The following CATSPERB variants were observed in gnomAD, a reference collection of about 807,000 sequenced individuals.
The protein encoded by CATSPERB is cation channel sperm-associated auxiliary subunit beta.
CATSPERB carries 93 observed loss-of-function variants against 128.3 expected under a neutral mutation model. The observed-to-expected ratio is 0.72, with a 90% CI of 0.61 to 0.86. CATSPERB has a LOEUF of 0.86. Among genes scored for constraint, CATSPERB ranks in the 40% least tolerant of loss-of-function variants. The pLI, the probability that CATSPERB is intolerant of heterozygous loss-of-function variation, is 0.00. For missense variants in CATSPERB, 1,153 were observed against 1,329.5 expected (o/e 0.87, Z 2.06); for synonymous variants, 381 against 448.8 (o/e 0.85, Z 1.91).
At chr14:91,680,291 C>A (rs746674284) in intron 11 of CATSPERB, among the ~76,000 whole-genome samples, 44 of 152,010 alleles carry the variant, frequency 2.9e-4, no homozygotes, top group Admixed American at 5.9e-4. Flanking sequence ...CCTTCTAGGC[C>A]CAGGGACTAT....
At chr14:91,652,548 G>A (rs1369710191) in intron 15 of CATSPERB, among the ~76,000 whole-genome samples, 1 of 150,676 alleles carries the variant, frequency 6.6e-6, no homozygotes, top group Non-Finnish European at 1.5e-5. Flanking sequence ...GCGGGTATCT[G>A]TAATCCCAGC....
rs139662040 is a variant in CATSPERB at position 91,595,876 on chromosome 14, G to C, written c.2710-3874C>G. Among the ~76,000 whole-genome samples, 91 of 152,302 alleles carry C rather than the reference G, an allele frequency of 6.0e-4. 2 individuals carry two copies. The East Asian group carries it at 0.013, about 22-fold the overall frequency. ...CCAAATTCTAGAGAAATCAGGTAGAGGGAAACAAATAGGTTCCAAATTTTG... is the reference window on the plus strand; with the variant it reads ...CCAAATTCTAGAGAAATCAGGTAGACGGAAACAAATAGGTTCCAAATTTTG... On this transcript the variant is annotated intron_variant, in intron 22 of 26. Transcript: ENST00000256343.
At chr14:91,596,236 C>A (rs1039493835) in intron 22 of CATSPERB, among the ~76,000 whole-genome samples, 1 of 152,030 alleles carries the variant, frequency 6.6e-6, no homozygotes, top group Non-Finnish European at 1.5e-5. Context: ...CAGAGTCTTA[C>A]TCTGTCACCC....
chr14:91,653,189 A>C (rs570555173), intron 15 of CATSPERB, among the ~76,000 whole-genome samples: 1 of 152,292 alleles, frequency 6.6e-6, no homozygotes, highest in East Asian at 1.9e-4. Context: ...AAGAAATTTT[A>C]AACTATACAA....
At chr14:91,590,638 CTTT>C (rs869081387) in intron 23 of CATSPERB, among the ~76,000 whole-genome samples, 2 of 150,990 alleles carry the variant, frequency 1.3e-5, no homozygotes, top group Non-Finnish European at 1.5e-5. Flanking sequence ...CTCTAGATGT[CTTT>C]TTTTGTTTGT....
At chr14:91,604,826 A>G in intron 22 of CATSPERB, 1 of 1,539,376 alleles carries the variant, frequency 6.5e-7, no homozygotes, top group Non-Finnish European at 9.0e-7. Context: ...CTTCTGAGTC[A>G]CACCATTGCT....
In CATSPERB at chr14:91,617,717, T is replaced by C. The variant is rs753288694; in HGVS notation, c.2280A>G (p.Ile760Met). ...RNAKGFRMLE[I>M]PLLTVFVGNP... is the part of the protein sequence containing the mutation. ...TTCCAACAAACACAGTCAGTAGTGG[T>C]ATTTCAAGCATTCGAAAACCTATGG... is the stretch of plus-strand genomic sequence containing the variant. The change falls in exon 20 of 27, where the codon ATA (isoleucine) becomes ATG (methionine). Residue 760 changes from isoleucine to methionine, a missense_variant. By Grantham distance (10) the Ile-to-Met change is conservative. Transcript: ENST00000256343. The C allele has an allele frequency of 6.3e-7, 1 of 1,598,394 alleles. No homozygotes were observed. The highest frequency in any genetic ancestry group is 2.3e-5 in the East Asian group (1 of 44,006).
At chr14:91,717,276 T>C (rs532074486) in intron 5 of CATSPERB, among the ~76,000 whole-genome samples, 78 of 152,266 alleles carry the variant, frequency 5.1e-4, no homozygotes, top group African/African-American at 1.7e-3. Flanking sequence ...TTCTATGTCT[T>C]GACTGCAGTG....
At chr14:91,675,658 C>G (rs1485592442) in intron 11 of CATSPERB, among the ~76,000 whole-genome samples, 1 of 152,158 alleles carries the variant, frequency 6.6e-6, no homozygotes, top group Non-Finnish European at 1.5e-5. Flanking sequence ...GGGAGTGCAC[C>G]ATCTGAATCT....
intron 17 of CATSPERB, among the ~76,000 whole-genome samples, chr14:91,628,141 GT>G (rs1022809014): frequency 6.6e-6 from 1 of 151,892 alleles, no homozygotes; most frequent in Non-Finnish European, 1.5e-5. Context: ...CATATTCTTT[GT>G]TTTTTTGTTT....
rs1894441856 is a variant in CATSPERB at position 91,639,226 on chromosome 14, C to T, written c.1457G>A (p.Gly486Glu). The T allele has an allele frequency of 2.5e-6, 4 of 1,613,640 alleles. No individual in the cohort carries two copies. Among genetic ancestry groups the T allele is most frequent in the Non-Finnish European group, 3.4e-6 (4 of 1,179,802 alleles). The part of the protein sequence containing the change: ...KAGMGRYSAV[G>E]SVTERIFTLY... ...TGTGAAAATTCTCTCAGTAACACTT[C>T]CGACTGCACTGTATCTTCCCATTCC... is the stretch of plus-strand genomic sequence containing the variant. The change falls in exon 16 of 27, where the codon GGA becomes GAA. Residue 486 changes from glycine to glutamate, a missense_variant. Transcript: ENST00000256343.
At chr14:91,636,627 C>A in intron 16 of CATSPERB, 48 bp from the exon 17 acceptor site, 1 of 1,455,602 alleles carries the variant, frequency 6.9e-7, no homozygotes. Context: ...CTTTATACTT[C>A]AATTATGACA....
At chr14:91,608,443 T>A (rs1417470539) in intron 21 of CATSPERB, 39 bp from the exon 22 acceptor site, 1 of 1,158,600 alleles carries the variant, frequency 8.6e-7, no homozygotes, top group Non-Finnish European at 1.3e-6. Context: ...CAATTCATTA[T>A]TATGAAGTCT....
At chr14:91,707,997 T>G (rs930634220) in intron 6 of CATSPERB, 144 bp downstream of exon 6, 14 of 633,914 alleles carry the variant, frequency 2.2e-5, no homozygotes, top group Non-Finnish European at 3.8e-5. Context: ...AGATTGTGAG[T>G]GCCTCAAGGG....
chr14:91,704,557 A>G lies in CATSPERB; in HGVS notation c.611T>C (p.Val204Ala), dbSNP rs1229371916. The G allele has an allele frequency of 1.2e-6, 2 of 1,611,500 alleles. No individual in the cohort carries two copies. The highest frequency in any genetic ancestry group is 1.7e-6 in the Non-Finnish European group (2 of 1,179,072). ...ALLGFIVDTI[V>A]DGVYIGITFG... ...TAATGAAGCTGTAGACCTACCATCA[A>G]CTATTGTATCCACAATGAAGCCTAG... The change falls in exon 7 of 27, where the codon GTT (valine) becomes GCT (alanine). Residue 204 changes from valine (V) to alanine (A), a missense_variant. Val to Ala is a moderately conservative substitution (Grantham distance 64). Transcript: ENST00000256343.
chr14:91,625,320 T>C (rs1217654955), intron 17 of CATSPERB, among the ~76,000 whole-genome samples: 1 of 152,156 alleles, frequency 6.6e-6, no homozygotes, highest in Non-Finnish European at 1.5e-5. Context: ...AATTTGACAT[T>C]ATGCATTAGG....
At position 91,587,275 on chromosome 14, in the gene CATSPERB, C is replaced by G. The variant is rs761978364; in HGVS notation, c.3059G>C (p.Gly1020Ala). Residue 1020 changes from glycine (G) to alanine (A), a missense_variant and splice_region_variant, in exon 26 of 27, where the codon GGC (glycine) becomes GCC (alanine). By Grantham distance (60) the Gly-to-Ala change is moderately conservative. Transcript: ENST00000256343. ...CACTCTAAAGTGGAAAAGTTCAGAG[C>G]CCTGTGGAAAAAAGCACACCCAGTT... ...NPSGLNLSIK[G>A]SELFHFRVTV... The G allele has an allele frequency of 6.2e-7, 1 of 1,601,580 alleles. No homozygotes were observed. Among genetic ancestry groups the G allele is most frequent in the Non-Finnish European group, 8.5e-7 (1 of 1,175,574 alleles).
In CATSPERB at chr14:91,719,584, C is replaced by T. The variant is rs938379727; in HGVS notation, c.310-106G>A. On this transcript the variant is annotated intron_variant, in intron 4 of 26. Transcript: ENST00000256343. ...GAGAATTAAACAAAAACATCCAATG[C>T]ATATACCTTTTACCTAGAAATTTCA... 1.1e-5 allele frequency: 8 copies of T among 736,352 alleles called. No individual in the cohort carries two copies. In the Admixed American group the frequency reaches 2.0e-4, roughly 19 times the overall value. 45.6% of individuals were successfully genotyped at this position (736,352 alleles called of 1,614,324 possible). A position where few individuals can be genotyped will look rare whatever the true frequency, so the allele number is the denominator to read the frequency against.
chr14:91,652,670 C>CAAAAAAAAAAAAAAA (rs58608847), intron 15 of CATSPERB, among the ~76,000 whole-genome samples: 2 of 69,166 alleles, frequency 2.9e-5, no homozygotes, highest in Non-Finnish European at 5.0e-5. Context: ...GACTCTGTCT[C>CAAAAAAAAAAAAAAA]AAAAAAAAAA....
Sources: allele counts gnomAD v4.1 joint callset (sites outside exome capture counted in the v4.1 genomes callset), GRCh38; gene constraint gnomAD v4.1.1; transcripts MANE v1.5; gene names NCBI Gene and HGNC (gene_info 2026-07-23, HGNC 2026-07-21).